Variants in HCRTR2 observed in about 807,000 individuals in gnomAD.
HCRTR2 encodes hypocretin receptor 2.
In HCRTR2, 22 loss-of-function variants were observed where a neutral mutation model predicts 49.0. The observed-to-expected ratio is 0.45, with a 90% CI of 0.32 to 0.64. HCRTR2 has a LOEUF of 0.64. Among genes scored for constraint, HCRTR2 ranks in the 30% least tolerant of loss-of-function variants. The pLI is 0.04. For synonymous variants in HCRTR2, 236 were observed against 205.3 expected, an observed-to-expected ratio of 1.15 and a Z score of -1.28; for missense variants, 491 against 559.4, an observed-to-expected ratio of 0.88 and a Z score of 1.23.
At chr6:55,144,790 G>C (rs2127254825) in intron 1 of HCRTR2, among the ~76,000 whole-genome samples, 1 of 151,760 alleles carries the variant, frequency 6.6e-6, no homozygotes, top group African/African-American at 2.4e-5. Context: ...GGGCACCAAA[G>C]ACTACCTGTG....
rs140849305 is a variant in HCRTR2 at position 55,226,691 on chromosome 6, A to T, written c.224-21948A>T. 2.9e-3 allele frequency among the ~76,000 whole-genome samples: 420 copies of T among 142,724 alleles called. 2 individuals are homozygous for T. Among genetic ancestry groups the T allele is most frequent in the African/African-American group, 0.01 (395 of 38,382 alleles). The allele number at this position is 142,724 out of a possible 152,430, so 93.6% of individuals were successfully genotyped here. On this transcript the variant is annotated intron_variant, in intron 1 of 6. Transcript: ENST00000370862. ...ATTTATGTTTAGGCTCTGCTTGTAG[A>T]GTGATACCAAATTCCAGGTGTTTTT...
At chr6:55,277,278 A>G (rs774812785) in intron 4 of HCRTR2, 102 bp from the exon 5 acceptor site, 7 of 920,688 alleles carry the variant, frequency 7.6e-6, no homozygotes, top group Non-Finnish European at 1.2e-5. Context: ...CCCACACCTC[A>G]GGCGTCTGGA....
At chr6:55,246,636 T>C (rs1766450055) in intron 1 of HCRTR2, among the ~76,000 whole-genome samples, 1 of 152,092 alleles carries the variant, frequency 6.6e-6, no homozygotes, top group Non-Finnish European at 1.5e-5. Context: ...ATGATATAGC[T>C]TGGTGGATAA....
At chr6:55,111,137 A>G (rs758684419) in intron 1 of HCRTR2, among the ~76,000 whole-genome samples, 26 of 151,750 alleles carry the variant, frequency 1.7e-4, no homozygotes, top group Non-Finnish European at 1.0e-4. Context: ...TGGGTCAACA[A>G]TGAAATCAAG....
rs200330118 is a variant in HCRTR2 at position 55,282,196 on chromosome 6, C to T, written c.1106-29C>T. ...TTGTTGAAGCATTTATGTATAATTCCTTTTCCTTTCATTCTCTCTGTTTGC... is the reference window on the plus strand; with the variant it reads ...TTGTTGAAGCATTTATGTATAATTCTTTTTCCTTTCATTCTCTCTGTTTGC... On this transcript the variant is annotated intron_variant, in intron 6 of 6. Coordinates refer to ENST00000370862, the MANE Select transcript of HCRTR2 (RefSeq NM_001384272.1). 15 of 1,512,272 alleles carry T rather than the reference C, an allele frequency of 9.9e-6. No homozygotes were observed. The African/African-American group carries it at 2.1e-4, about 21-fold the overall frequency. 93.7% of individuals were successfully genotyped at this position (1,512,272 alleles called of 1,614,324 possible). A position where few individuals can be genotyped will look rare whatever the true frequency, so the allele number is the denominator to read the frequency against.
chr6:55,192,514 A>G (rs559704446), intron 1 of HCRTR2, among the ~76,000 whole-genome samples: 64 of 152,268 alleles, frequency 4.2e-4, no homozygotes, highest in African/African-American at 1.5e-3. Context: ...ACCTGAGCCC[A>G]GGAAGTCGAG....
chr6:55,123,111 T>C (rs1764224914), intron 1 of HCRTR2, among the ~76,000 whole-genome samples: 3 of 151,424 alleles, frequency 2.0e-5, no homozygotes, highest in African/African-American at 4.8e-5. Context: ...GAACTTAAAG[T>C]ATAATAAAAA....
At position 55,278,413 on chromosome 6, in the gene HCRTR2, A is replaced by C. The variant is rs944842798; in HGVS notation, c.983+813A>C. 5.3e-5 allele frequency among the ~76,000 whole-genome samples: 8 copies of C among 152,190 alleles called. 1 individual carries two copies. Among genetic ancestry groups the C allele is most frequent in the African/African-American group, 1.9e-4 (8 of 41,450 alleles). ...GAATTGCTCCTCTCACTTTGGCCTGATTCAGAATCAATATTATATTCCTCA... is the reference window on the plus strand; with the variant it reads ...GAATTGCTCCTCTCACTTTGGCCTGCTTCAGAATCAATATTATATTCCTCA... On this transcript the variant is annotated intron_variant, in intron 5 of 6. Coordinates refer to ENST00000370862, the MANE Select transcript of HCRTR2 (RefSeq NM_001384272.1).
intron 1 of HCRTR2, among the ~76,000 whole-genome samples, chr6:55,125,219 A>G (rs1764256670): frequency 1.3e-5 from 2 of 152,226 alleles, no homozygotes; most frequent in African/African-American, 4.8e-5. Context: ...GATGGTCTTT[A>G]CAATTTGGTA....
Position 55,120,174 on chromosome 6 carries a change from C to G in HCRTR2, c.-378+13629C>G, listed in dbSNP as rs548384750. Among the ~76,000 whole-genome samples, 3 of 152,190 alleles carry G rather than the reference C, an allele frequency of 2.0e-5. No homozygotes were observed. The South Asian group carries it at 6.2e-4, about 32-fold the overall frequency. ...TACCATGCTGTTTTTGTTACTGTAG[C>G]CTTGTAGTATAGGTTGAAGTCAAGT... On this transcript the variant is annotated intron_variant, in intron 1 of 7. Coordinates refer to the HCRTR2 transcript ENST00000615358.
At chr6:55,127,149 T>C (rs1764291007) in intron 1 of HCRTR2, among the ~76,000 whole-genome samples, 1 of 152,160 alleles carries the variant, frequency 6.6e-6, no homozygotes, top group Admixed American at 6.6e-5. Context: ...TAGTTCAGTG[T>C]CTGCCCAAAC....
chr6:55,163,373 T>C (rs1764833710), intron 1 of HCRTR2, among the ~76,000 whole-genome samples: 1 of 152,036 alleles, frequency 6.6e-6, no homozygotes, highest in African/African-American at 2.4e-5. Flanking sequence ...TAACTTCAAA[T>C]TATGCTACAA....
intron 5 of HCRTR2, 92 bp from the exon 6 acceptor site, chr6:55,280,231 G>A (rs1180834684): frequency 3.6e-6 from 3 of 840,868 alleles, no homozygotes; most frequent in Non-Finnish European, 6.0e-6. Context: ...AACTGAAGAG[G>A]ACAGGAGTCA....
intron 1 of HCRTR2, among the ~76,000 whole-genome samples, chr6:55,152,411 T>A (rs1300215896): frequency 6.6e-6 from 1 of 152,044 alleles, no homozygotes; most frequent in African/African-American, 2.4e-5. Context: ...CTGTCCATTT[T>A]TTAATTGGTA....
At chr6:55,117,535 C>T (rs73438566) in intron 1 of HCRTR2, among the ~76,000 whole-genome samples, 8,178 of 151,646 alleles carry the variant, frequency 0.054, 322 homozygotes, top group African/African-American at 0.1. Flanking sequence ...TCACCTCAAA[C>T]ATTACTATTT....
At chr6:55,270,318 C>A (rs1766949428) in intron 4 of HCRTR2, among the ~76,000 whole-genome samples, 1 of 152,166 alleles carries the variant, frequency 6.6e-6, no homozygotes, top group African/African-American at 2.4e-5. Flanking sequence ...CATTTACAAT[C>A]ATAATTATTA....
chr6:55,265,072 C>T (rs1247516933), intron 4 of HCRTR2, among the ~76,000 whole-genome samples: 1 of 152,010 alleles, frequency 6.6e-6, no homozygotes, highest in Non-Finnish European at 1.5e-5. Context: ...TCTGCTATTA[C>T]AAAGAAGTCA....
chr6:55,172,094 C>A (rs183120018), upstream of HCRTR2, among the ~76,000 whole-genome samples: 864 of 152,228 alleles, frequency 5.7e-3, 7 homozygotes, highest in African/African-American at 0.02. Flanking sequence ...CACAGAAGGC[C>A]TACTTGTCAA....
At chr6:55,253,395 C>T (rs1443303857) in intron 2 of HCRTR2, among the ~76,000 whole-genome samples, 3 of 152,098 alleles carry the variant, frequency 2.0e-5, no homozygotes, top group African/African-American at 7.2e-5. Flanking sequence ...CTATAATCAA[C>T]ATATCAACAA....
Sources: gnomAD v4.1 joint callset for allele counts (sites outside exome capture counted in the v4.1 genomes callset) on GRCh38, gnomAD v4.1.1 for gene constraint, MANE v1.5 for transcripts, NCBI Gene and HGNC (gene_info 2026-07-23, HGNC 2026-07-21) for gene names.